Variants in USH2A observed in about 807,000 individuals in gnomAD.
USH2A encodes Usher syndrome 2A (autosomal recessive, mild).
In USH2A, 443 loss-of-function variants were observed where a neutral mutation model predicts 538.9. The ratio of observed to expected loss-of-function variants is 0.82; its 90% confidence interval spans 0.76 to 0.89. The LOEUF (loss-of-function observed/expected upper bound fraction) is 0.89, where lower values mean the gene tolerates loss of function less well. Ranked by LOEUF, USH2A falls within the 40% of genes least tolerant of loss-of-function variation. USH2A has a pLI of 0.00. For synonymous variants in USH2A, 2,413 were observed against 2,273.5 expected (o/e 1.06, Z -1.75); for missense variants, 6,633 against 6,324.8 (o/e 1.05, Z -1.65).
rs563065410 is a variant in USH2A, at chr1:216,294,018, G to A, written c.1645-1648C>T. The stretch of plus-strand genomic sequence containing the variant: ...ATTCATGCATATCAGAATTGTGTAA[G>A]GAGAGAACTGCCTGTATAACTGTAA... On this transcript the variant is annotated intron_variant, in intron 9 of 71. Coordinates refer to ENST00000307340, the MANE Select transcript of USH2A (RefSeq NM_206933.4). 5.3e-5 allele frequency among the ~76,000 whole-genome samples: 8 copies of A among 152,240 alleles called. No individual in the cohort carries two copies. In the South Asian group the frequency reaches 1.7e-3, roughly 32 times the overall value.
At chr1:216,061,287 C>T (rs1451766095) in intron 30 of USH2A, among the ~76,000 whole-genome samples, 1 of 151,998 alleles carries the variant, frequency 6.6e-6, no homozygotes, top group African/African-American at 2.4e-5. Flanking sequence ...TTGCTTTTAC[C>T]TTCTGCTTTT....
intron 3 of USH2A, among the ~76,000 whole-genome samples, chr1:216,388,231 A>C (rs2039038934): frequency 6.6e-6 from 1 of 152,206 alleles, no homozygotes; most frequent in African/African-American, 2.4e-5. Context: ...CAGATTGAGA[A>C]GGGAATAAAA....
intron 43 of USH2A, among the ~76,000 whole-genome samples, chr1:215,868,174 A>G (rs910107161): frequency 6.6e-6 from 1 of 152,176 alleles, no homozygotes; most frequent in African/African-American, 2.4e-5. Flanking sequence ...TTGTCTCAAT[A>G]TGTCACAATC....
chr1:215,743,369 A>AAAATAT, intron 58 of USH2A, 34 bp from the exon 59 acceptor site: 1 of 928,158 alleles, frequency 1.1e-6, no homozygotes, highest in Non-Finnish European at 1.5e-6. Context: ...GAACATTAAA[A>AAAATAT]ACATATATAT....
chr1:215,688,925 G>T (rs534192565), intron 61 of USH2A, among the ~76,000 whole-genome samples: 8 of 152,190 alleles, frequency 5.3e-5, no homozygotes, highest in Middle Eastern at 3.4e-3. Flanking sequence ...AGGCCAGGAA[G>T]GGGTAATAGT....
intron 30 of USH2A, among the ~76,000 whole-genome samples, chr1:216,068,032 G>A (rs1444910363): frequency 2.0e-5 from 3 of 152,164 alleles, no homozygotes; most frequent in Non-Finnish European, 4.4e-5. Context: ...GGCCCCTGGA[G>A]AACCAGGAGG....
At chr1:215,792,086 C>T (rs1050397190) in intron 50 of USH2A, among the ~76,000 whole-genome samples, 3 of 152,050 alleles carry the variant, frequency 2.0e-5, no homozygotes, top group African/African-American at 7.2e-5. Context: ...AAAACTGGCC[C>T]TTTAGGGAGC....
rs1299243403 is a variant in USH2A at position 216,023,903 on chromosome 1, C to T, written c.6325+22528G>A. ...GTGAAAAATTAAAACTAGTAGAGTACAAAATGAAAAGCAAAAGCCTCCTCA... is the reference window on the plus strand; with the variant it reads ...GTGAAAAATTAAAACTAGTAGAGTATAAAATGAAAAGCAAAAGCCTCCTCA... On this transcript the variant is annotated intron_variant, in intron 32 of 71. Transcript: ENST00000307340. 9.2e-5 allele frequency among the ~76,000 whole-genome samples: 14 copies of T among 151,864 alleles called. No individual in the cohort carries two copies. In the East Asian group the frequency reaches 2.7e-3, roughly 29 times the overall value.
At chr1:216,179,577 G>A (rs1240649170) in intron 20 of USH2A, among the ~76,000 whole-genome samples, 1 of 152,046 alleles carries the variant, frequency 6.6e-6, no homozygotes, top group East Asian at 1.9e-4. Flanking sequence ...AGTCAACTAA[G>A]CCTGTTTGAA....
intron 21 of USH2A, among the ~76,000 whole-genome samples, chr1:216,160,033 T>G (rs968470279): frequency 6.6e-6 from 1 of 151,850 alleles, no homozygotes; most frequent in Non-Finnish European, 1.5e-5. Context: ...AGAGTAGTAA[T>G]CTGTACTTTC....
Position 216,046,573 on chromosome 1 carries a change from T to C in USH2A, c.6183A>G (p.Pro2061=), listed in dbSNP as rs2030531388. 6.2e-7 allele frequency: 1 copy of C among 1,613,738 alleles called. No individual in the cohort carries two copies. Residue 2061 remains proline, a synonymous_variant, in exon 32 of 72, where the codon CCA becomes CCG. Transcript: ENST00000307340. ...AACTGGGAAGGGATTTGGCTACTGG[T>C]GGCTGAACCTCTTGTGGGGCTGTGG... ...TPQEAPQEVQ[P]PVAKSLPSSL...
intron 47 of USH2A, among the ~76,000 whole-genome samples, chr1:215,834,293 CTG>C (rs946831512): frequency 2.6e-5 from 4 of 152,094 alleles, no homozygotes; most frequent in Non-Finnish European, 4.4e-5. Context: ...ATTATCCAAA[CTG>C]TGCACAAACT....
At position 216,078,208 on chromosome 1, in the gene USH2A, C is replaced by T; in HGVS notation, c.5453G>A (p.Gly1818Glu). Residue 1818 changes from glycine (G) to glutamate (E), a missense_variant, in exon 27 of 72, where the codon GGA becomes GAA. Gly to Glu is a moderately conservative substitution (Grantham distance 98). Transcript: ENST00000307340. The stretch of plus-strand genomic sequence containing the variant: ...GGACTCCGATGCATGCTTCATCAGT[C>T]CATTCACACTTGCTGATATGAAAGA... Reference protein sequence around the residue: ...EGSFISASVNGLMKHASESGD... With the variant: ...EGSFISASVNELMKHASESGD... 2 of 1,613,832 alleles carry T rather than the reference C, an allele frequency of 1.2e-6. No individual in the cohort carries two copies. The highest frequency in any genetic ancestry group is 1.7e-6 in the Non-Finnish European group (2 of 1,179,804).
rs74144036 is a variant in USH2A, at chr1:215,757,992, T to C, written c.11389+603A>G. ...ACCTATATGACTTGCATTGGATATATAGAAGAGTAAGCCGGGCGTGGTGGC... is the reference window on the plus strand; with the variant it reads ...ACCTATATGACTTGCATTGGATATACAGAAGAGTAAGCCGGGCGTGGTGGC... On this transcript the variant is annotated intron_variant, in intron 58 of 71. Coordinates refer to ENST00000307340, the MANE Select transcript of USH2A (RefSeq NM_206933.4). Among the ~76,000 whole-genome samples the C allele has an allele frequency of 6.9e-3, 1,044 of 152,266 alleles. 12 individuals are homozygous for C. The highest frequency in any genetic ancestry group is 0.024 in the African/African-American group (988 of 41,552).
chr1:216,023,951 A>T (rs868421076), intron 32 of USH2A, among the ~76,000 whole-genome samples: 8 of 152,096 alleles, frequency 5.3e-5, no homozygotes, highest in African/African-American at 7.2e-5. Flanking sequence ...AGTCCTTAAA[A>T]CTTTAAACAC....
At chr1:216,313,549 T>G (rs751839263) in intron 9 of USH2A, among the ~76,000 whole-genome samples, 3 of 152,184 alleles carry the variant, frequency 2.0e-5, no homozygotes, top group Non-Finnish European at 2.9e-5. Context: ...ACATATAACC[T>G]TATTTTTATT....
chr1:216,330,056 C>T (rs2037824102), intron 4 of USH2A, among the ~76,000 whole-genome samples: 1 of 152,002 alleles, frequency 6.6e-6, no homozygotes, highest in Non-Finnish European at 1.5e-5. Flanking sequence ...AAAGACTTAC[C>T]ATAACTGAAA....
At chr1:216,201,818 G>C (rs985368235) in intron 16 of USH2A, 2 of 220,840 alleles carry the variant, frequency 9.1e-6, no homozygotes, top group African/African-American at 4.6e-5. Context: ...GGGTACCAGA[G>C]GTCGCCTGGT....
rs1280514484 is a variant in USH2A at position 215,743,402 on chromosome 1, G to A, written c.11390-67C>T. 2,463 of 445,574 alleles carry A rather than the reference G, an allele frequency of 5.5e-3. 168 individuals are homozygous for A. The highest frequency in any genetic ancestry group is 6.8e-3 in the Non-Finnish European group (1,933 of 284,100). The allele number at this position is 445,574 out of a possible 1,614,324, so 27.6% of individuals were successfully genotyped here. ...TATATATATATGTGTGTGTGTGTGT[G>A]TGTGTGTGTGTGTGTATATATATAT... On this transcript the variant is annotated intron_variant, in intron 58 of 71. Transcript: ENST00000307340.
Sources: gnomAD v4.1 joint callset for allele counts (sites outside exome capture counted in the v4.1 genomes callset) on GRCh38, gnomAD v4.1.1 for gene constraint, MANE v1.5 for transcripts, NCBI Gene and HGNC (gene_info 2026-07-23, HGNC 2026-07-21) for gene names.